The following PLEKHA5 variants were observed in gnomAD, a reference collection of about 807,000 sequenced individuals.
PLEKHA5 encodes the protein pleckstrin homology domain-containing family A member 5.
A neutral mutation model predicts 181.9 loss-of-function variants in PLEKHA5; 55 were observed. That is an observed-to-expected ratio of 0.30 (90% CI 0.24 to 0.38). The LOEUF is 0.38. PLEKHA5 is among the 10% of genes least tolerant of loss of function. PLEKHA5 has a pLI of 1.00. For synonymous variants in PLEKHA5, 535 were observed against 529.4 expected (o/e 1.01, Z -0.15); for missense variants, 1,432 against 1,549.5 (o/e 0.92, Z 1.27).
intron 15 of PLEKHA5, among the ~76,000 whole-genome samples, chr12:19,295,601 G>GC (rs1457496114): frequency 5.3e-5 from 8 of 152,150 alleles, no homozygotes; most frequent in Non-Finnish European, 8.8e-5. Context: ...AGCATAAGCT[G>GC]CCCTGCTGAG....
At chr12:19,366,138 A>G in intron 30 of PLEKHA5, 29 bp downstream of exon 30, 1 of 1,556,746 alleles carries the variant, frequency 6.4e-7, no homozygotes, top group Non-Finnish European at 8.7e-7. Flanking sequence ...ATAATTTTCT[A>G]CCTGGTGCTT....
chr12:19,204,185 G>T (rs540465161), intron 3 of PLEKHA5, among the ~76,000 whole-genome samples: 1 of 152,126 alleles, frequency 6.6e-6, no homozygotes, highest in Non-Finnish European at 1.5e-5. Context: ...ATAGAAGGGT[G>T]ATTTACAATA....
intron 20 of PLEKHA5, among the ~76,000 whole-genome samples, chr12:19,332,489 T>G (rs1488972201): frequency 6.6e-6 from 1 of 152,158 alleles, no homozygotes; most frequent in Non-Finnish European, 1.5e-5. Flanking sequence ...CTTTTTAAAA[T>G]TGTTTTAGAG....
At chr12:19,265,370 T>A (rs1292482063) in intron 7 of PLEKHA5, among the ~76,000 whole-genome samples, 1 of 152,108 alleles carries the variant, frequency 6.6e-6, no homozygotes, top group Non-Finnish European at 1.5e-5. Flanking sequence ...AATACAGTAG[T>A]CAAGGAAGGC....
chr12:19,257,030 G>C (rs2067058960), intron 5 of PLEKHA5, among the ~76,000 whole-genome samples: 1 of 151,966 alleles, frequency 6.6e-6, no homozygotes, highest in Admixed American at 6.6e-5. Flanking sequence ...TTCTTTAATT[G>C]AACCTGCACT....
chr12:19,275,436 T>C (rs983191661), intron 11 of PLEKHA5, among the ~76,000 whole-genome samples: 6 of 152,188 alleles, frequency 3.9e-5, no homozygotes, highest in African/African-American at 1.2e-4. Flanking sequence ...CCCAGTCTTA[T>C]TCTTGGGCTT....
intron 3 of PLEKHA5, among the ~76,000 whole-genome samples, chr12:19,180,898 C>T (rs115498692): frequency 4.4e-4 from 67 of 151,544 alleles, no homozygotes; most frequent in African/African-American, 1.6e-3. Flanking sequence ...AGCCTAAGCT[C>T]ACCCGAGACC....
At chr12:19,143,623 TGCAATTATGC>T (rs2038065026) in intron 3 of PLEKHA5, among the ~76,000 whole-genome samples, 1 of 152,128 alleles carries the variant, frequency 6.6e-6, no homozygotes, top group African/African-American at 2.4e-5. Context: ...TAATTATATG[TGCAATTATGC>T]ACAATTATGT....
At chr12:19,265,720 A>T in intron 7 of PLEKHA5, 30 bp from the exon 8 acceptor site, 2 of 1,254,670 alleles carry the variant, frequency 1.6e-6, no homozygotes, top group Non-Finnish European at 2.3e-6. Flanking sequence ...AACATTTAAA[A>T]TTCTAATCAG....
At chr12:19,220,208 T>C (rs1391171780) in intron 3 of PLEKHA5, among the ~76,000 whole-genome samples, 4 of 151,800 alleles carry the variant, frequency 2.6e-5, no homozygotes, top group Non-Finnish European at 5.9e-5. Flanking sequence ...TCTTTTCTTT[T>C]TTTTTTTAAG....
chr12:19,292,340 A>T (rs533885342), intron 15 of PLEKHA5, among the ~76,000 whole-genome samples: 231 of 151,966 alleles, frequency 1.5e-3, no homozygotes, highest in Non-Finnish European at 2.6e-3. Flanking sequence ...CGGGAGGTGG[A>T]GGTTGCAGTG....
rs772807720 is a variant in PLEKHA5, at chr12:19,274,823, G to C, written c.1153G>C (p.Val385Leu). Residue 385 changes from valine (V) to leucine (L), a missense_variant, in exon 11 of 32, where the codon GTC becomes CTC. Transcript: ENST00000429027. ...INLSSSENKI[V>L]NVSLADLRGG... ...CTTGAGCAGTTCAGAGAACAAAATA[G>C]TCAATGTTAGCCTGGCAGATCTTAG... The C allele has an allele frequency of 7.4e-6, 12 of 1,614,172 alleles. No homozygotes were observed. The East Asian group carries it at 2.7e-4, about 36-fold the overall frequency.
intron 3 of PLEKHA5, among the ~76,000 whole-genome samples, chr12:19,149,083 C>T (rs761032454): frequency 6.6e-6 from 1 of 152,026 alleles, no homozygotes. Context: ...AGAAGATGAC[C>T]CTGAAATTGA....
intron 3 of PLEKHA5, among the ~76,000 whole-genome samples, chr12:19,235,495 T>TA (rs2061277492): frequency 6.6e-6 from 1 of 152,188 alleles, no homozygotes; most frequent in Non-Finnish European, 1.5e-5. Flanking sequence ...ATTAAACACT[T>TA]ACAATGTGGT....
At chr12:19,209,678 ACAAT>A (rs1186106773) in intron 3 of PLEKHA5, among the ~76,000 whole-genome samples, 1 of 152,354 alleles carries the variant, frequency 6.6e-6, no homozygotes, top group South Asian at 2.1e-4. Context: ...AAAACAAAGT[ACAAT>A]CAAAGCAGTG....
chr12:19,236,829 CAT>C (rs2061476129), intron 3 of PLEKHA5: 3 of 152,164 alleles, frequency 2.0e-5, no homozygotes, highest in African/African-American at 7.2e-5. Flanking sequence ...GCTGCAATGA[CAT>C]GTTCTGATGT....
intron 15 of PLEKHA5, chr12:19,306,919 A>T: frequency 1.2e-6 from 1 of 851,708 alleles, no homozygotes. Flanking sequence ...AGCTAATGCA[A>T]TGGCAGGTCT....
intron 3 of PLEKHA5, among the ~76,000 whole-genome samples, chr12:19,228,996 A>C (rs2060064135): frequency 6.6e-6 from 1 of 152,182 alleles, no homozygotes; most frequent in African/African-American, 2.4e-5. Flanking sequence ...GGAAGAAAAA[A>C]CTTGTTGACA....
intron 3 of PLEKHA5, among the ~76,000 whole-genome samples, chr12:19,199,679 G>T (rs1035330390): frequency 1.3e-5 from 2 of 152,126 alleles, no homozygotes; most frequent in African/African-American, 4.8e-5. Flanking sequence ...GCAAAAAGTA[G>T]CATTAAACCT....
Sources: gnomAD v4.1 joint callset for allele counts (sites outside exome capture counted in the v4.1 genomes callset) on GRCh38, gnomAD v4.1.1 for gene constraint, MANE v1.5 for transcripts, NCBI Gene and HGNC (gene_info 2026-07-23, HGNC 2026-07-21) for gene names.